The following NKAIN2 variants were observed in gnomAD, a reference collection of about 807,000 sequenced individuals.
The protein encoded by NKAIN2 is sodium/potassium-transporting ATPase subunit beta-1-interacting protein 2.
A neutral mutation model predicts 32.6 loss-of-function variants in NKAIN2; 14 were observed. The observed-to-expected ratio is 0.43, with a 90% CI of 0.28 to 0.67. The LOEUF (loss-of-function observed/expected upper bound fraction) is 0.67, where lower values mean the gene tolerates loss of function less well. Among genes scored for constraint, NKAIN2 ranks in the 30% least tolerant of loss-of-function variants. The pLI is 0.17. For synonymous variants in NKAIN2, 80 were observed against 87.2 expected, an observed-to-expected ratio of 0.92 and a Z score of 0.46; for missense variants, 198 against 258.3, an observed-to-expected ratio of 0.77 and a Z score of 1.60.
chr6:124,763,696 G>A (rs945816867), intron 4 of NKAIN2, among the ~76,000 whole-genome samples: 3 of 152,066 alleles, frequency 2.0e-5, no homozygotes, highest in South Asian at 2.1e-4. Context: ...AAATGTTCTC[G>A]ACATGAAAAA....
intron 1 of NKAIN2, among the ~76,000 whole-genome samples, chr6:124,252,480 G>A (rs1193295342): frequency 2.6e-5 from 4 of 152,036 alleles, no homozygotes; most frequent in African/African-American, 7.2e-5. Flanking sequence ...AGGAAAATGG[G>A]GGTGGATAGG....
intron 3 of NKAIN2, among the ~76,000 whole-genome samples, chr6:124,506,887 T>C (rs1295921527): frequency 6.6e-6 from 1 of 152,162 alleles, no homozygotes; most frequent in East Asian, 1.9e-4. Flanking sequence ...TTAGGCATTG[T>C]CTGTGTAGAT....
At chr6:124,599,019 ATTTT>A (rs34952742) in intron 3 of NKAIN2, among the ~76,000 whole-genome samples, 1 of 141,928 alleles carries the variant, frequency 7.0e-6, no homozygotes, top group Non-Finnish European at 1.5e-5. Flanking sequence ...ACACAAATCT[ATTTT>A]TTTTTTTTTT....
At chr6:124,392,982 A>G (rs951866687) in intron 3 of NKAIN2, among the ~76,000 whole-genome samples, 1 of 152,090 alleles carries the variant, frequency 6.6e-6, no homozygotes, top group Non-Finnish European at 1.5e-5. Context: ...TCCAGCCTGG[A>G]TGACAGAGTG....
chr6:124,676,448 G>A (rs549228224), intron 4 of NKAIN2, among the ~76,000 whole-genome samples: 3 of 152,110 alleles, frequency 2.0e-5, no homozygotes, highest in African/African-American at 7.2e-5. Flanking sequence ...TCATTTAATT[G>A]CTGTTTATTT....
At chr6:124,173,161 A>G (rs1391902851) in intron 1 of NKAIN2, among the ~76,000 whole-genome samples, 1 of 152,118 alleles carries the variant, frequency 6.6e-6, no homozygotes, top group East Asian at 1.9e-4. Flanking sequence ...GCATGATATA[A>G]AATGCATATA....
Position 124,221,553 on chromosome 6 carries a change from T to C in NKAIN2, c.55-61452T>C, listed in dbSNP as rs147743261. 1.2e-4 allele frequency among the ~76,000 whole-genome samples: 18 copies of C among 151,870 alleles called. No individual in the cohort carries two copies. In the East Asian group the frequency reaches 2.3e-3, roughly 20 times the overall value. ...CACATGTGCCCTAAAACTTAAAGTA[T>C]AATAATAAGAGAGAGAAAAAAAAGA... On this transcript the variant is annotated intron_variant, in intron 1 of 6. Transcript: ENST00000368417.
chr6:124,331,343 T>TAAAAAAAAA (rs1797642289), intron 2 of NKAIN2, among the ~76,000 whole-genome samples: 1 of 4,914 alleles, frequency 2.0e-4, no homozygotes, highest in African/African-American at 9.7e-4. Context: ...CTACTAAATA[T>TAAAAAAAAA]ACAAAAAAAA....
chr6:124,293,457 C>G (rs777423507), intron 2 of NKAIN2, among the ~76,000 whole-genome samples: 9 of 151,760 alleles, frequency 5.9e-5, no homozygotes, highest in African/African-American at 9.7e-5. Context: ...ATTGGGGAAA[C>G]TTTTTTCTGT....
At chr6:123,921,931 C>T (rs1297986485) in intron 1 of NKAIN2, among the ~76,000 whole-genome samples, 1 of 128,560 alleles carries the variant, frequency 7.8e-6, no homozygotes, top group Non-Finnish European at 1.7e-5. Context: ...ACTCTGTCTC[C>T]AAAAAAAAAA....
At chr6:124,113,434 C>G (rs1785473964) in intron 1 of NKAIN2, among the ~76,000 whole-genome samples, 1 of 151,996 alleles carries the variant, frequency 6.6e-6, no homozygotes, top group Non-Finnish European at 1.5e-5. Context: ...AAGAAGAAAG[C>G]TGAAAAAAAA....
chr6:124,258,813 C>G (rs1241989100), intron 1 of NKAIN2, among the ~76,000 whole-genome samples: 2 of 152,162 alleles, frequency 1.3e-5, no homozygotes, highest in Non-Finnish European at 2.9e-5. Context: ...ATTCTCTTGA[C>G]TGGTGGCAAA....
intron 1 of NKAIN2, among the ~76,000 whole-genome samples, chr6:123,966,600 C>T (rs912732493): frequency 6.6e-6 from 1 of 152,100 alleles, no homozygotes; most frequent in Non-Finnish European, 1.5e-5. Flanking sequence ...AGGAAAAGAG[C>T]TTACAAATGG....
At chr6:124,602,012 A>G (rs1216551661) in intron 3 of NKAIN2, among the ~76,000 whole-genome samples, 1 of 152,008 alleles carries the variant, frequency 6.6e-6, no homozygotes, top group Non-Finnish European at 1.5e-5. Context: ...AGATATTATA[A>G]TCATTGTGTA....
At chr6:124,133,785 C>A (rs1435030307) in intron 1 of NKAIN2, among the ~76,000 whole-genome samples, 1 of 151,968 alleles carries the variant, frequency 6.6e-6, no homozygotes, top group African/African-American at 2.4e-5. Context: ...GTCTTCACCC[C>A]TAGAGCACTA....
intron 1 of NKAIN2, among the ~76,000 whole-genome samples, chr6:123,805,515 T>C (rs1184618159): frequency 6.6e-6 from 1 of 152,222 alleles, no homozygotes. Context: ...TGATCTGTGA[T>C]TTATGCGCTT....
At chr6:124,611,849 A>G (rs1782702733) in intron 3 of NKAIN2, among the ~76,000 whole-genome samples, 1 of 152,150 alleles carries the variant, frequency 6.6e-6, no homozygotes. Flanking sequence ...CGGCTAGACC[A>G]GACCTGCCAC....
At chr6:124,714,185 A>G (rs966044496) in intron 4 of NKAIN2, among the ~76,000 whole-genome samples, 3 of 152,192 alleles carry the variant, frequency 2.0e-5, no homozygotes, top group Admixed American at 1.3e-4. Flanking sequence ...TAATCTACAT[A>G]AATATTGGAG....
At chr6:123,962,758 C>T (rs1049351657) in intron 1 of NKAIN2, among the ~76,000 whole-genome samples, 2 of 152,162 alleles carry the variant, frequency 1.3e-5, no homozygotes, top group Admixed American at 6.6e-5. Flanking sequence ...TGATCATCCA[C>T]GTGAGCTTGT....
Sources: allele counts gnomAD v4.1 joint callset (sites outside exome capture counted in the v4.1 genomes callset), GRCh38; gene constraint gnomAD v4.1.1; transcripts MANE v1.5; gene names NCBI Gene and HGNC (gene_info 2026-07-23, HGNC 2026-07-21).